RIC1: variants seen among roughly 807,000 people sequenced by gnomAD.
RIC1 encodes the protein RIC1 partner of RAB6A GEF complex.
In RIC1, 88 loss-of-function variants were observed where a neutral mutation model predicts 169.0. The ratio of observed to expected loss-of-function variants is 0.52; its 90% CI spans 0.44 to 0.62. The LOEUF is 0.62. RIC1 is among the 20% of genes least tolerant of loss of function. The pLI, the probability that RIC1 is intolerant of heterozygous loss-of-function variation, is 0.00. For synonymous variants in RIC1, 790 were observed against 601.5 expected, an observed-to-expected ratio of 1.31 and a Z score of -4.59; for missense variants, 1,877 against 1,725.5, an observed-to-expected ratio of 1.09 and a Z score of -1.56.
chr9:5,769,943 TGATACA>T lies in RIC1; in HGVS notation c.3425-142_3425-137del, dbSNP rs1323244547. The T allele has an allele frequency of 1.7e-5, 11 of 641,296 alleles. No homozygotes were observed. In the Admixed American group the frequency reaches 2.9e-4, roughly 17 times the overall value. 39.7% of individuals were successfully genotyped at this position (641,296 alleles called of 1,614,324 possible). On this transcript the variant is annotated intron_variant, in intron 22 of 25. Coordinates refer to ENST00000414202, the MANE Select transcript of RIC1 (RefSeq NM_020829.4). ...CCCATGTCTCTAGTTTTGGGGTGGCTGATACAGTACAGGACAGTAATTGCCTTTGAA... is the reference window on the plus strand; with the variant it reads ...CCCATGTCTCTAGTTTTGGGGTGGCTGTACAGGACAGTAATTGCCTTTGAA...
intron 2 of RIC1, among the ~76,000 whole-genome samples, chr9:5,674,075 T>A (rs1820287950): frequency 1.3e-5 from 2 of 152,168 alleles, no homozygotes; most frequent in African/African-American, 2.4e-5. Flanking sequence ...AAAAACAGAC[T>A]TCAGCAGAAG....
At chr9:5,683,899 G>A (rs896618028) in intron 2 of RIC1, among the ~76,000 whole-genome samples, 1 of 152,166 alleles carries the variant, frequency 6.6e-6, no homozygotes, top group Admixed American at 6.5e-5. Context: ...TCAGACTGCT[G>A]TGCTAGCAAT....
intron 3 of RIC1, among the ~76,000 whole-genome samples, chr9:5,702,530 GTT>G (rs1563912549): frequency 8.2e-6 from 1 of 122,278 alleles, no homozygotes; most frequent in African/African-American, 5.1e-5. Context: ...TTTTGTTTTT[GTT>G]TTTGTTTTTG....
At chr9:5,636,441 T>C (rs906758521) in intron 1 of RIC1, among the ~76,000 whole-genome samples, 1 of 152,142 alleles carries the variant, frequency 6.6e-6, no homozygotes, top group Non-Finnish European at 1.5e-5. Context: ...TGCCCCAGCC[T>C]CCTGAGTAGC....
chr9:5,740,503 AATGATCACATGATCACAAGGTCCC>A (rs1825014665), intron 8 of RIC1, among the ~76,000 whole-genome samples: 1 of 151,796 alleles, frequency 6.6e-6, no homozygotes, highest in Admixed American at 6.6e-5. Flanking sequence ...AGTATTAATA[AATGATCACATGATCACAAGGTCCC>A]ACAATAGGCC....
chr9:5,741,760 C>A (rs184384665), intron 8 of RIC1, among the ~76,000 whole-genome samples: 6 of 152,202 alleles, frequency 3.9e-5, no homozygotes, highest in African/African-American at 1.4e-4. Flanking sequence ...AAATCTGAAG[C>A]CTTTCTGAGT....
At chr9:5,683,003 T>A (rs1820956713) in intron 2 of RIC1, among the ~76,000 whole-genome samples, 1 of 152,206 alleles carries the variant, frequency 6.6e-6, no homozygotes. Flanking sequence ...GTGCCATGGG[T>A]TTCAGCTCCA....
At chr9:5,666,954 C>T (rs1027618999) in intron 2 of RIC1, among the ~76,000 whole-genome samples, 8 of 152,210 alleles carry the variant, frequency 5.3e-5, no homozygotes, top group African/African-American at 1.9e-4. Context: ...AATGTTCTTT[C>T]TGATTTTTGT....
intron 1 of RIC1, among the ~76,000 whole-genome samples, chr9:5,652,845 A>G (rs150549481): frequency 2.2e-4 from 33 of 152,296 alleles, no homozygotes; most frequent in African/African-American, 7.2e-4. Context: ...GGTTTGTCAT[A>G]TATGGCTTTT....
chr9:5,632,054 A>G (rs1386726114), intron 1 of RIC1, among the ~76,000 whole-genome samples: 2 of 152,102 alleles, frequency 1.3e-5, no homozygotes, highest in Non-Finnish European at 2.9e-5. Context: ...ATAATATGTG[A>G]AGATCTACAG....
intron 2 of RIC1, among the ~76,000 whole-genome samples, chr9:5,672,918 C>T (rs1820195578): frequency 6.6e-6 from 1 of 152,028 alleles, no homozygotes; most frequent in African/African-American, 2.4e-5. Context: ...ATCTCATAGC[C>T]ATGAAAAAAG....
At chr9:5,772,490 G>A (rs932377692) in intron 23 of RIC1, 74 bp from the exon 24 acceptor site, 21 of 1,213,654 alleles carry the variant, frequency 1.7e-5, no homozygotes, top group Non-Finnish European at 2.4e-5. Flanking sequence ...CTGAGGAACA[G>A]CTAATATTTA....
chr9:5,683,826 A>C (rs1586941981), intron 2 of RIC1, among the ~76,000 whole-genome samples: 1 of 151,872 alleles, frequency 6.6e-6, no homozygotes. Flanking sequence ...TTGTTTACCT[A>C]CTCAAGCCTC....
rs1488679881 is a variant in RIC1, at chr9:5,774,205, G to C, written c.4231G>C (p.Glu1411Gln). 5.0e-6 allele frequency: 8 copies of C among 1,613,422 alleles called. No individual in the cohort carries two copies. The East Asian group carries it at 1.3e-4, about 27-fold the overall frequency. ...GGACACAGCCCAAGCAGAGGAGGAA[G>C]AACCTTTTCAGGATGGGACTTACGA... Reference protein sequence around the residue: ...EEDTAQAEEEEPFQDGTYDCS... With the variant: ...EEDTAQAEEEQPFQDGTYDCS... Residue 1411 changes from glutamate (E) to glutamine (Q), a missense_variant, in exon 26 of 26, where the codon GAA (glutamate) becomes CAA (glutamine). Around this residue, in one of 3 missense-constraint regions of RIC1, gnomAD observed 681 missense variants for 582.0 expected, o/e 1.17. Transcript: ENST00000414202.
rs1035439677 is a variant in RIC1, at chr9:5,687,900, C to G, written c.253-2059C>G. Among the ~76,000 whole-genome samples the G allele has an allele frequency of 1.2e-4, 18 of 151,908 alleles. No homozygotes were observed. In the South Asian group the frequency reaches 3.5e-3, roughly 30 times the overall value. ...GTTCCTCAATTCACTGATTTTGTTT[C>G]TGTTTTATTTTGGGTTTTTTTGTGT... On this transcript the variant is annotated intron_variant, in intron 2 of 25. Coordinates refer to ENST00000414202, the MANE Select transcript of RIC1 (RefSeq NM_020829.4).
chr9:5,778,024 G>A (rs1827677046), downstream of RIC1, among the ~76,000 whole-genome samples: 1 of 152,098 alleles, frequency 6.6e-6, no homozygotes, highest in South Asian at 2.1e-4. Flanking sequence ...CATAAGCGTT[G>A]TATTCATGAC....
rs937572461 is a variant in RIC1 at position 5,675,957 on chromosome 9, C to G, written c.253-14002C>G. On this transcript the variant is annotated intron_variant, in intron 2 of 25. Coordinates refer to ENST00000414202, the MANE Select transcript of RIC1 (RefSeq NM_020829.4). ...AGAAAATTATGACAGTAAAAGAAATCTAATCTAACCCCCATCTTGCCTTTA... is the reference window on the plus strand; with the variant it reads ...AGAAAATTATGACAGTAAAAGAAATGTAATCTAACCCCCATCTTGCCTTTA... Among the ~76,000 whole-genome samples, 3 of 152,218 alleles carry G rather than the reference C, an allele frequency of 2.0e-5. No individual in the cohort carries two copies. The South Asian group carries it at 6.2e-4, about 32-fold the overall frequency.
rs374101806 is a variant in RIC1 at position 5,718,138 on chromosome 9, T to C, written c.441-2044T>C. ...TTGGGCAACAGAGCAAGACTCCGTC[T>C]CAAAAAAAAAAAAAAAAAAAAAAAA... On this transcript the variant is annotated intron_variant, in intron 4 of 25. Coordinates refer to ENST00000414202, the MANE Select transcript of RIC1 (RefSeq NM_020829.4). 6.7e-4 allele frequency among the ~76,000 whole-genome samples: 5 copies of C among 7,414 alleles called. No homozygotes were observed. The East Asian group carries it at 0.12, about 177-fold the overall frequency. The allele number at this position is 7,414 out of a possible 152,430, so 4.9% of individuals were successfully genotyped here. A position where few individuals can be genotyped will look rare whatever the true frequency, so the allele number is the denominator to read the frequency against.
chr9:5,722,337 A>AAG (rs147623001), intron 6 of RIC1, among the ~76,000 whole-genome samples: 5,617 of 115,280 alleles, frequency 0.049, 146 homozygotes, highest in African/African-American at 0.076. Context: ...CAAAAACTAT[A>AAG]AGAGAGAGAG....
Sources: gnomAD v4.1 joint callset for allele counts (sites outside exome capture counted in the v4.1 genomes callset) on GRCh38, gnomAD v4.1.1 for gene constraint, gnomAD v4.1.1 regional missense constraint, MANE v1.5 for transcripts, NCBI Gene and HGNC (gene_info 2026-07-23, HGNC 2026-07-21) for gene names.